GLIS3: variants seen among roughly 807,000 people sequenced by gnomAD.
GLIS3 encodes the protein GLIS family zinc finger 3.
GLIS3 carries 53 observed loss-of-function variants against 78.6 expected under a neutral mutation model. The observed-to-expected ratio is 0.67, with a 90% CI of 0.54 to 0.85. The LOEUF is 0.85. Among genes scored for constraint, GLIS3 ranks in the 40% least tolerant of loss-of-function variants. The probability of loss-of-function intolerance (pLI) is 0.00; values close to 1 mark genes in which losing one functional copy is unlikely to be tolerated. For missense variants in GLIS3, 1,703 were observed against 1,231.1 expected (o/e 1.38, Z -5.74); for synonymous variants, 684 against 509.9 (o/e 1.34, Z -4.60).
chr9:4,257,078 CATATGTATGCAT>C (rs1462903776), intron 2 of GLIS3, among the ~76,000 whole-genome samples: 1 of 151,980 alleles, frequency 6.6e-6, no homozygotes, highest in African/African-American at 2.4e-5. Flanking sequence ...TGTATGTGTA[CATATGTATGCAT>C]ATATGTATGT....
chr9:4,001,848 A>G (rs1279173327), intron 4 of GLIS3, among the ~76,000 whole-genome samples: 1 of 152,160 alleles, frequency 6.6e-6, no homozygotes, highest in Non-Finnish European at 1.5e-5. Context: ...ATTGTTCCCA[A>G]ACTGGTCTCT....
At chr9:4,298,101 G>A (rs1816737801) in intron 1 of GLIS3, among the ~76,000 whole-genome samples, 1 of 152,106 alleles carries the variant, frequency 6.6e-6, no homozygotes, top group African/African-American at 2.4e-5. Flanking sequence ...GCTTCCTGTT[G>A]TGCAACTCGC....
the GLIS3 span, among the ~76,000 whole-genome samples, chr9:4,401,571 C>CTTTTCTTTTT: frequency 4.1e-5 from 5 of 120,670 alleles, no homozygotes; most frequent in African/African-American, 1.5e-4. Context: ...TCCTTTCTTT[C>CTTTTCTTTTT]TTTTTTTTTT....
chr9:4,178,701 G>A (rs549066567), intron 2 of GLIS3, among the ~76,000 whole-genome samples: 1 of 152,246 alleles, frequency 6.6e-6, no homozygotes, highest in East Asian at 1.9e-4. Flanking sequence ...TGACTACACT[G>A]TCTTAGAGCG....
chr9:4,241,997 G>C (rs1273984953), intron 2 of GLIS3, among the ~76,000 whole-genome samples: 1 of 152,090 alleles, frequency 6.6e-6, no homozygotes, highest in Non-Finnish European at 1.5e-5. Flanking sequence ...TAGCACATTT[G>C]CTTTAATACA....
At chr9:3,980,305 G>A (rs535865475) in intron 4 of GLIS3, among the ~76,000 whole-genome samples, 8 of 152,210 alleles carry the variant, frequency 5.3e-5, no homozygotes, top group Non-Finnish European at 8.8e-5. Context: ...TGAGAAGCAC[G>A]TAAGTGTTGA....
intron 8 of GLIS3, among the ~76,000 whole-genome samples, chr9:3,872,283 A>T (rs1431418604): frequency 1.3e-5 from 2 of 152,194 alleles, no homozygotes; most frequent in African/African-American, 4.8e-5. Flanking sequence ...TGAGCTCTCC[A>T]AACTGTTCCA....
chr9:4,414,328 A>G, the GLIS3 span, among the ~76,000 whole-genome samples: 1 of 152,214 alleles, frequency 6.6e-6, no homozygotes, highest in Non-Finnish European at 1.5e-5. Context: ...GCATTTTTTA[A>G]GCACTTCAGA....
chr9:4,037,664 C>A (rs1239643258), intron 4 of GLIS3, among the ~76,000 whole-genome samples: 1 of 151,942 alleles, frequency 6.6e-6, no homozygotes, highest in Non-Finnish European at 1.5e-5. Flanking sequence ...AGATAAATTT[C>A]TCAGAAACAG....
chr9:4,375,448 A>C, the GLIS3 span, among the ~76,000 whole-genome samples: 1 of 152,204 alleles, frequency 6.6e-6, no homozygotes, highest in Non-Finnish European at 1.5e-5. Flanking sequence ...TATAATATAA[A>C]TGTAAGGTTT....
intron 2 of GLIS3, among the ~76,000 whole-genome samples, chr9:4,273,608 T>TAAATAAATAAAC (rs1826721030): frequency 1.1e-5 from 1 of 93,512 alleles, no homozygotes; most frequent in African/African-American, 3.2e-5. Context: ...AATAAATAAA[T>TAAATAAATAAAC]AAATAAATAA....
At chr9:4,374,094 A>T in the GLIS3 span, among the ~76,000 whole-genome samples, 2 of 152,314 alleles carry the variant, frequency 1.3e-5, no homozygotes, top group South Asian at 4.1e-4. Context: ...GGATACACGA[A>T]ATCTGTCCAC....
chr9:4,478,946 T>C, the GLIS3 span, among the ~76,000 whole-genome samples: 1 of 152,186 alleles, frequency 6.6e-6, no homozygotes, highest in Non-Finnish European at 1.5e-5. Context: ...TACCAACTTA[T>C]AGGAAATATT....
chr9:4,358,219 A>G, the GLIS3 span, among the ~76,000 whole-genome samples: 1 of 152,212 alleles, frequency 6.6e-6, no homozygotes, highest in African/African-American at 2.4e-5. Context: ...TTGCTGCTAG[A>G]AAGTGAGACT....
chr9:4,254,052 C>G (rs111581506), intron 2 of GLIS3, among the ~76,000 whole-genome samples: 2,580 of 152,316 alleles, frequency 0.017, 44 homozygotes, highest in Middle Eastern at 0.027. Flanking sequence ...ATTTGGCCAT[C>G]TTGCCAGCCA....
At chr9:4,189,441 G>C (rs1446540055) in intron 2 of GLIS3, among the ~76,000 whole-genome samples, 1 of 152,052 alleles carries the variant, frequency 6.6e-6, no homozygotes, top group Non-Finnish European at 1.5e-5. Flanking sequence ...GAATACGTGT[G>C]GTGTGGTGCT....
At position 4,118,100 on chromosome 9, in the gene GLIS3, G is replaced by A. The variant is rs1421283842; in HGVS notation, c.1378C>T (p.Pro460Ser). ...AGGTGCGCATGGGCATGGTAAGGGG[G>A]TGGGGGGCCTGGGGGCGGCGGCAGA... ...PPLPPPPGPPPPYHAHAHLHH... is the reference protein window; with the variant it reads ...PPLPPPPGPPSPYHAHAHLHH... The change falls in exon 4 of 11, where the codon CCC (proline) becomes TCC (serine). Residue 460 changes from proline (P) to serine (S), a missense_variant. By Grantham distance (74) the Pro-to-Ser change is moderately conservative. Transcript: ENST00000381971. The surrounding 1 kb of genome is among the most constrained non-coding windows in gnomAD (Gnocchi z 4.7). The A allele has an allele frequency of 6.4e-7, 1 of 1,556,734 alleles. No homozygotes were observed. Among genetic ancestry groups the A allele is most frequent in the Non-Finnish European group, 8.7e-7 (1 of 1,150,432 alleles).
At chr9:3,963,200 C>T (rs1296307015) in intron 4 of GLIS3, among the ~76,000 whole-genome samples, 1 of 152,192 alleles carries the variant, frequency 6.6e-6, no homozygotes, top group Non-Finnish European at 1.5e-5. Context: ...GAATAAACCT[C>T]ACTTAAAAAA....
chr9:3,872,953 AT>A (rs1465676901), intron 8 of GLIS3, among the ~76,000 whole-genome samples: 1 of 152,240 alleles, frequency 6.6e-6, no homozygotes, highest in Non-Finnish European at 1.5e-5. Flanking sequence ...AAACTAAAAA[AT>A]ATACAAAGAA....
Sources: allele counts gnomAD v4.1 joint callset (sites outside exome capture counted in the v4.1 genomes callset), GRCh38; gene constraint gnomAD v4.1.1; non-coding constraint Gnocchi (gnomAD v3.1); transcripts MANE v1.5; gene names NCBI Gene and HGNC (gene_info 2026-07-23, HGNC 2026-07-21).